Variants in DDX25 observed in about 807,000 individuals in gnomAD.
DDX25 encodes the protein ATP-dependent RNA helicase DDX25.
In DDX25, 70 loss-of-function variants were observed where a neutral mutation model predicts 64.6. The observed-to-expected ratio is 1.08, with a 90% confidence interval of 0.89 to 1.32. The LOEUF is 1.32. DDX25 is among the 40% of genes most tolerant of loss of function. The pLI, the probability that DDX25 is intolerant of heterozygous loss-of-function variation, is 0.00. For synonymous variants in DDX25, 211 were observed against 213.3 expected, an observed-to-expected ratio of 0.99 and a Z score of 0.09; for missense variants, 587 against 604.4, an observed-to-expected ratio of 0.97 and a Z score of 0.30.
rs1268060230 is a variant in DDX25 at position 125,927,081 on chromosome 11, C to T, written c.*4200C>T. 1 of 152,244 alleles carries T rather than the reference C, an allele frequency of 6.6e-6. No homozygotes were observed. Among genetic ancestry groups the T allele is most frequent in the Non-Finnish European group, 1.5e-5 (1 of 68,062 alleles). 9.4% of individuals were successfully genotyped at this position (152,244 alleles called of 1,614,324 possible). Reference sequence around the variant, plus strand: ...AGCCATTGGCTGGTTTCTCTTACTGCTTTGCAAACTATCAGTTTTAAATGT... The same window carrying T: ...AGCCATTGGCTGGTTTCTCTTACTGTTTTGCAAACTATCAGTTTTAAATGT... On this transcript the variant is annotated 3_prime_UTR_variant, in exon 12 of 12. Transcript: ENST00000263576.
intron 6 of DDX25, 90 bp from the exon 7 acceptor site, chr11:125,910,274 C>T (rs1944948699): frequency 2.0e-6 from 2 of 1,012,516 alleles, no homozygotes; most frequent in Non-Finnish European, 3.1e-6. Flanking sequence ...CCTTTCTGTG[C>T]CTCTCCCTGT....
At chr11:125,904,497 G>A, upstream of DDX25, 2 of 1,478,572 alleles carry the variant, frequency 1.4e-6, no homozygotes, top group Non-Finnish European at 1.8e-6. Flanking sequence ...CGTGCTGGGG[G>A]CGGGAGCAGC....
At chr11:125,914,232 C>T (rs1945006006) in intron 8 of DDX25, among the ~76,000 whole-genome samples, 1 of 152,184 alleles carries the variant, frequency 6.6e-6, no homozygotes, top group African/African-American at 2.4e-5. Context: ...AGCTACAATT[C>T]CAACGGACAG....
At chr11:125,905,101 C>A in intron 1 of DDX25, 111 bp from the exon 2 acceptor site, 1 of 921,138 alleles carries the variant, frequency 1.1e-6, no homozygotes, top group Non-Finnish European at 1.7e-6. Context: ...GCAAAGGAAG[C>A]AATACCCGGG....
Position 125,928,037 on chromosome 11 carries a change from G to C in DDX25, c.*5156G>C, listed in dbSNP as rs1945183164. On this transcript the variant is annotated 3_prime_UTR_variant, in exon 12 of 12. Transcript: ENST00000263576. ...TAATTGTACCCTGTCTTAGCGTTCA[G>C]ATGCATTGGTTCCTTCCCCATGTGA... is the stretch of plus-strand genomic sequence containing the variant. The C allele has an allele frequency of 6.6e-6, 1 of 152,218 alleles. No homozygotes were observed. The highest frequency in any genetic ancestry group is 2.4e-5 in the African/African-American group (1 of 41,448). The allele number at this position is 152,218 out of a possible 1,614,324, so 9.4% of individuals were successfully genotyped here.
intron 4 of DDX25, among the ~76,000 whole-genome samples, chr11:125,907,470 T>G (rs529662168): frequency 6.6e-6 from 1 of 152,022 alleles, no homozygotes. Flanking sequence ...TAGCCAGGTG[T>G]GGTGGCGGGC....
At chr11:125,918,530 C>T (rs1945068654) in intron 9 of DDX25, 98 bp from the exon 10 acceptor site, 1 of 1,476,344 alleles carries the variant, frequency 6.8e-7, no homozygotes, top group Non-Finnish European at 9.1e-7. Context: ...CTCTGCAGCC[C>T]TCTCCCACCC....
rs768783681 is a variant in DDX25, at chr11:125,921,312, A to T, written c.1323A>T (p.Lys441Asn). 8 of 1,613,750 alleles carry T rather than the reference A, an allele frequency of 5.0e-6. No homozygotes were observed. The Admixed American group carries it at 1.3e-4, about 27-fold the overall frequency. ...RIGRTGRFGK[K>N]GLAFNMIEVD... The stretch of plus-strand genomic sequence containing the variant: ...GGCGGACGGGGCGCTTTGGGAAAAA[A>T]GGCCTTGCCTTCAACATGATTGAAG... The change falls in exon 11 of 12, where the codon AAA becomes AAT. Residue 441 changes from lysine to asparagine, a missense_variant. Transcript: ENST00000263576. This position sits in a 1 kb window ranked among gnomAD's most constrained non-coding sequence, Gnocchi z 4.1.
chr11:125,905,122 T>C, intron 1 of DDX25, 90 bp from the exon 2 acceptor site: 1 of 1,230,670 alleles, frequency 8.1e-7, no homozygotes, highest in Non-Finnish European at 1.2e-6. Context: ...TGTCCTTCCC[T>C]GAATCCCTCC....
rs537711844 is a variant in DDX25, at chr11:125,927,198, G to A, written c.*4317G>A. ...TTTTAGATTCTTCTAGTGAAATACA[G>A]AAAACACACGTGAACTGGGATGATT... is the stretch of plus-strand genomic sequence containing the variant. On this transcript the variant is annotated 3_prime_UTR_variant, in exon 12 of 12. Coordinates refer to ENST00000263576, the MANE Select transcript of DDX25 (RefSeq NM_013264.5). The A allele has an allele frequency of 6.6e-6, 1 of 152,230 alleles. No homozygotes were observed. The highest frequency in any genetic ancestry group is 1.5e-5 in the Non-Finnish European group (1 of 68,052). 9.4% of individuals were successfully genotyped at this position (152,230 alleles called of 1,614,324 possible).
At position 125,918,674 on chromosome 11, in the gene DDX25, G is replaced by T; in HGVS notation, c.1085G>T (p.Gly362Val). ...KWLTVEMIQDGHQVSLLSGEL... is the reference protein window; with the variant it reads ...KWLTVEMIQDVHQVSLLSGEL... ...TTGACCGTGGAGATGATACAGGATGGCCACCAGGTGTCTTTGTTAAGCGGG... is the reference window on the plus strand; with the variant it reads ...TTGACCGTGGAGATGATACAGGATGTCCACCAGGTGTCTTTGTTAAGCGGG... The change falls in exon 10 of 12, where the codon GGC becomes GTC. Residue 362 changes from glycine to valine, a missense_variant. Transcript: ENST00000263576. The T allele has an allele frequency of 6.2e-7, 1 of 1,613,904 alleles. No individual in the cohort carries two copies. Among genetic ancestry groups the T allele is most frequent in the Non-Finnish European group, 8.5e-7 (1 of 1,179,866 alleles).
At chr11:125,907,407 G>C (rs148742128) in intron 4 of DDX25, among the ~76,000 whole-genome samples, 5,335 of 152,174 alleles carry the variant, frequency 0.035, 156 homozygotes, top group Non-Finnish European at 0.052. Context: ...AGGAGATCGA[G>C]ACCATCCTGG....
At chr11:125,920,185 C>G (rs933431295) in intron 10 of DDX25, among the ~76,000 whole-genome samples, 3 of 152,110 alleles carry the variant, frequency 2.0e-5, no homozygotes, top group African/African-American at 7.2e-5. Context: ...GCCTGTAATC[C>G]CAACACTTTG....
intron 8 of DDX25, among the ~76,000 whole-genome samples, chr11:125,914,415 C>G (rs1005650234): frequency 2.6e-5 from 4 of 152,126 alleles, no homozygotes; most frequent in Non-Finnish European, 5.9e-5. Flanking sequence ...CCGTCCCATT[C>G]GGTATGCATA....
chr11:125,907,564 C>T (rs549429417), intron 4 of DDX25, among the ~76,000 whole-genome samples: 6 of 151,878 alleles, frequency 4.0e-5, no homozygotes, highest in African/African-American at 9.7e-5. Flanking sequence ...GCTGAGGTCG[C>T]GCCACTGCAC....
Position 125,925,212 on chromosome 11 carries a change from A to T in DDX25, c.*2331A>T, listed in dbSNP as rs1314751107. ...AAATAAAACTTTACCACTTTCCTTT[A>T]CAGTTCAAATCTCTGGTAAGATCTC... On this transcript the variant is annotated 3_prime_UTR_variant, in exon 12 of 12. Transcript: ENST00000263576. 1.5e-5 allele frequency: 5 copies of T among 344,276 alleles called. No homozygotes were observed. The highest frequency in any genetic ancestry group is 2.9e-5 in the Non-Finnish European group (5 of 171,918). The allele number at this position is 344,276 out of a possible 1,614,324, so 21.3% of individuals were successfully genotyped here. A position where few individuals can be genotyped will look rare whatever the true frequency, so the allele number is the denominator to read the frequency against.
Position 125,921,061 on chromosome 11 carries a change from A to G in DDX25, c.1202-130A>G, listed in dbSNP as rs554190023. The G allele has an allele frequency of 4.3e-6, 4 of 935,192 alleles. No individual in the cohort carries two copies. Among genetic ancestry groups the G allele is most frequent in the Admixed American group, 2.9e-5 (1 of 34,524 alleles). 57.9% of individuals were successfully genotyped at this position (935,192 alleles called of 1,614,324 possible). A position where few individuals can be genotyped will look rare whatever the true frequency, so the allele number is the denominator to read the frequency against. ...CTTCCTAACCAAAGTACCTGTCTCA[A>G]TTACATAAGCCCTGGTTGGATTTCT... On this transcript the variant is annotated intron_variant, in intron 10 of 11. Coordinates refer to ENST00000263576, the MANE Select transcript of DDX25 (RefSeq NM_013264.5). This position sits in a 1 kb window ranked among gnomAD's most constrained non-coding sequence, Gnocchi z 4.1.
At chr11:125,907,477 G>A (rs11220271) in intron 4 of DDX25, among the ~76,000 whole-genome samples, 25,034 of 151,438 alleles carry the variant, frequency 0.17, 2,421 homozygotes, top group Non-Finnish European at 0.22. Context: ...GTGTGGTGGC[G>A]GGCGCCTGTA....
upstream of DDX25, among the ~76,000 whole-genome samples, chr11:125,903,665 G>C (rs567385): frequency 0.61 from 92,178 of 150,888 alleles, 28,241 homozygotes; most frequent in South Asian, 0.71. Flanking sequence ...GAGAGATCAT[G>C]ACTGCAGTTT....
Sources: allele counts gnomAD v4.1 joint callset (sites outside exome capture counted in the v4.1 genomes callset), GRCh38; gene constraint gnomAD v4.1.1; non-coding constraint Gnocchi (gnomAD v3.1); transcripts MANE v1.5; gene names NCBI Gene and HGNC (gene_info 2026-07-23, HGNC 2026-07-21).